ABCC11: variants seen among roughly 807,000 people sequenced by gnomAD.
The protein encoded by ABCC11 is ATP binding cassette subfamily C member 11.
In ABCC11, 135 loss-of-function variants were observed where a neutral mutation model predicts 149.3. The observed-to-expected ratio is 0.90, with a 90% CI of 0.79 to 1.04. ABCC11 has a LOEUF of 1.04. Among genes scored for constraint, ABCC11 ranks in the 50% least tolerant of loss-of-function variants. The pLI, the probability that ABCC11 is intolerant of heterozygous loss-of-function variation, is 0.00. For synonymous variants in ABCC11, 665 were observed against 671.4 expected (o/e 0.99, Z 0.15); for missense variants, 1,680 against 1,722.1 (o/e 0.98, Z 0.43).
At position 48,224,296 on chromosome 16, in the gene ABCC11, T is replaced by C; in HGVS notation, c.529A>G (p.Ser177Gly). Residue 177 changes from serine to glycine, a missense_variant, in exon 5 of 30, where the codon AGT becomes GGT. Physicochemically the swap from Ser to Gly is moderately conservative, Grantham distance 56 (BLOSUM62 0). Transcript: ENST00000356608. ...CTGCCACTTACTGGCCCGAGTACAC[T>C]GGCAATGCAGAAGCAGATGCCCAGA... is the stretch of plus-strand genomic sequence containing the variant. ...ALLGICFCIA[S>G]VLGPILIIPK... is the part of the protein sequence containing the mutation. 2 of 1,614,146 alleles carry C rather than the reference T, an allele frequency of 1.2e-6. No individual in the cohort carries two copies. Among genetic ancestry groups the C allele is most frequent in the South Asian group, 2.2e-5 (2 of 91,058 alleles).
At position 48,177,063 on chromosome 16, in the gene ABCC11, CT is replaced by C. The variant is rs771273792; in HGVS notation, c.3398del (p.Gln1133ArgfsTer16). 9 of 1,614,070 alleles carry C rather than the reference CT, an allele frequency of 5.6e-6. No individual in the cohort carries two copies. In the East Asian group the frequency reaches 1.3e-4, roughly 24 times the overall value. ...TGATTTCCCCATGCTGTGGCCACCC[CT>C]GGGGACAACTTGTGCCTTCCATGTG... ...PLHMEGTSCP[Q>X]GWPQHGEIIF... On this transcript the variant is annotated frameshift_variant, in exon 25 of 30. Coordinates refer to ENST00000356608, the MANE Select transcript of ABCC11 (RefSeq NM_001370497.1). LOFTEE classifies it high-confidence loss of function.
At chr16:48,234,384 T>A (rs11861348) in intron 1 of ABCC11, among the ~76,000 whole-genome samples, 19,851 of 152,126 alleles carry the variant, frequency 0.13, 1,584 homozygotes, top group African/African-American at 0.23. Context: ...TTTTTTTTTA[T>A]TAATGTTTGT....
chr16:48,189,704 G>A (rs1966854807), intron 20 of ABCC11, among the ~76,000 whole-genome samples: 1 of 152,184 alleles, frequency 6.6e-6, no homozygotes, highest in Non-Finnish European at 1.5e-5. Context: ...ACCACCTTGA[G>A]GGCCGAGGGC....
intron 6 of ABCC11, among the ~76,000 whole-genome samples, chr16:48,220,933 A>G (rs1969693878): frequency 6.6e-6 from 1 of 152,224 alleles, no homozygotes; most frequent in South Asian, 2.1e-4. Flanking sequence ...AGATTTGTGC[A>G]AAAAGAACTG....
chr16:48,199,366 C>G (rs1018719257), intron 15 of ABCC11, among the ~76,000 whole-genome samples: 1 of 151,292 alleles, frequency 6.6e-6, no homozygotes, highest in Non-Finnish European at 1.5e-5. Flanking sequence ...TAATTATTTT[C>G]TAAACCTTGT....
intron 5 of ABCC11, chr16:48,223,600 T>C (rs543751233): frequency 6.5e-6 from 1 of 152,942 alleles, no homozygotes; most frequent in East Asian, 1.9e-4. Flanking sequence ...AGTTTTCTTC[T>C]GGGAAGACTC....
chr16:48,181,246 A>G (rs1294160145), intron 23 of ABCC11, among the ~76,000 whole-genome samples: 1 of 152,142 alleles, frequency 6.6e-6, no homozygotes, highest in Non-Finnish European at 1.5e-5. Flanking sequence ...GCACTCTGTA[A>G]TGGTGCATGT....
rs1321359007 is a variant in ABCC11, at chr16:48,198,207, A to C, written c.2151T>G (p.Ser717Arg). Residue 717 changes from serine (S) to arginine (R), a missense_variant, in exon 16 of 30, where the codon AGT becomes AGG. Coordinates refer to ENST00000356608, the MANE Select transcript of ABCC11 (RefSeq NM_001370497.1). ...NGKICENGTH[S>R]ELMQKKGKYA... ...ATTTCCCCTTTTTCTGCATTAACTC[A>C]CTGTGAGTTCCATTTTCACAGATTT... The C allele has an allele frequency of 2.5e-6, 4 of 1,614,020 alleles. No homozygotes were observed. The highest frequency in any genetic ancestry group is 3.4e-6 in the Non-Finnish European group (4 of 1,180,038).
chr16:48,187,645 C>T (rs971097436), intron 20 of ABCC11, among the ~76,000 whole-genome samples: 2 of 152,216 alleles, frequency 1.3e-5, no homozygotes, highest in Non-Finnish European at 2.9e-5. Flanking sequence ...CTGAGTTCCT[C>T]TGAGTCTCAA....
chr16:48,213,833 T>C (rs1969118446), intron 9 of ABCC11, among the ~76,000 whole-genome samples: 2 of 152,158 alleles, frequency 1.3e-5, no homozygotes, highest in Admixed American at 1.3e-4. Context: ...ATTGGCATAG[T>C]GAGAAAAATC....
Position 48,193,916 on chromosome 16 carries a change from A to T in ABCC11, c.2471T>A (p.Phe824Tyr). Residue 824 changes from phenylalanine to tyrosine, a missense_variant, in exon 19 of 30, where the codon TTC becomes TAC. Phe to Tyr is a conservative substitution (Grantham distance 22). Coordinates refer to ENST00000356608, the MANE Select transcript of ABCC11 (RefSeq NM_001370497.1). Reference protein sequence around the residue: ...VLIVFLTIFSFWWLSYWLEQG... With the variant: ...VLIVFLTIFSYWWLSYWLEQG... Reference sequence around the variant, plus strand: ...CTCCAACCAGTAGCTCAGCCACCAGAAGCTGAAGATCGTTAAGAAGACGAT... The same window carrying T: ...CTCCAACCAGTAGCTCAGCCACCAGTAGCTGAAGATCGTTAAGAAGACGAT... 6.2e-7 allele frequency: 1 copy of T among 1,614,064 alleles called. No homozygotes were observed. The highest frequency in any genetic ancestry group is 8.5e-7 in the Non-Finnish European group (1 of 1,179,906).
At chr16:48,186,040 T>A (rs1446808370) in intron 22 of ABCC11, among the ~76,000 whole-genome samples, 1 of 152,182 alleles carries the variant, frequency 6.6e-6, no homozygotes, top group African/African-American at 2.4e-5. Flanking sequence ...CTTATCTTAG[T>A]ATATACCTTG....
intron 13 of ABCC11, among the ~76,000 whole-genome samples, chr16:48,204,491 T>C (rs16945942): frequency 0.015 from 2,357 of 152,234 alleles, 74 homozygotes; most frequent in African/African-American, 0.055. Flanking sequence ...CAATTAGATG[T>C]GGAAGAAATC....
chr16:48,174,515 A>G (rs528172483), intron 26 of ABCC11, among the ~76,000 whole-genome samples: 1 of 152,336 alleles, frequency 6.6e-6, no homozygotes, highest in East Asian at 1.9e-4. Flanking sequence ...TAATCTGGAT[A>G]AAGCTTTGTC....
chr16:48,234,494 C>T (rs971190948), intron 1 of ABCC11, among the ~76,000 whole-genome samples: 6 of 152,132 alleles, frequency 3.9e-5, no homozygotes, highest in African/African-American at 7.2e-5. Context: ...ATCCATCTTG[C>T]GAGAGTGCTG....
At chr16:48,189,288 G>A (rs1003400847) in intron 20 of ABCC11, among the ~76,000 whole-genome samples, 3 of 152,222 alleles carry the variant, frequency 2.0e-5, no homozygotes, top group Non-Finnish European at 4.4e-5. Flanking sequence ...TCCACTGTGG[G>A]TGAGGAAGAT....
rs1372796825 is a variant in ABCC11, at chr16:48,246,979, G to C, written c.-19+335C>G. Among the ~76,000 whole-genome samples, 4 of 22,744 alleles carry C rather than the reference G, an allele frequency of 1.8e-4. No homozygotes were observed. In the Admixed American group the frequency reaches 2.6e-3, roughly 15 times the overall value. The allele number at this position is 22,744 out of a possible 152,430, so 14.9% of individuals were successfully genotyped here. A position where few individuals can be genotyped will look rare whatever the true frequency, so the allele number is the denominator to read the frequency against. On this transcript the variant is annotated intron_variant, in intron 1 of 29. Coordinates refer to ENST00000356608, the MANE Select transcript of ABCC11 (RefSeq NM_001370497.1). The stretch of plus-strand genomic sequence containing the variant: ...GGTACTGTGTGATCTGATCCTTGAT[G>C]TTCATATTATTGCCTTTAACTGAGT...
At chr16:48,168,207 T>C (rs1256270837) in intron 28 of ABCC11, among the ~76,000 whole-genome samples, 1 of 150,718 alleles carries the variant, frequency 6.6e-6, no homozygotes, top group African/African-American at 2.4e-5. Context: ...ACAGGGTAGG[T>C]GGTACCCAGA....
intron 13 of ABCC11, 37 bp downstream of exon 13, chr16:48,205,376 T>C (rs371727166): frequency 2.2e-5 from 35 of 1,612,130 alleles, no homozygotes; most frequent in Non-Finnish European, 2.8e-5. Context: ...ACCAGCCACA[T>C]GCCCTGTACT....
Sources: allele counts gnomAD v4.1 joint callset (sites outside exome capture counted in the v4.1 genomes callset), GRCh38; gene constraint gnomAD v4.1.1; transcripts MANE v1.5; gene names NCBI Gene and HGNC (gene_info 2026-07-23, HGNC 2026-07-21).